The following SOCS2 variants were observed in gnomAD, a reference collection of about 807,000 sequenced individuals.
SOCS2 encodes the protein CIS-2.
In SOCS2, 10 loss-of-function variants were observed where a neutral mutation model predicts 18.6. That is an observed-to-expected ratio of 0.54 (90% CI 0.33 to 0.91). The LOEUF (loss-of-function observed/expected upper bound fraction) is 0.91, where lower values mean the gene tolerates loss of function less well. Ranked by LOEUF, SOCS2 falls within the 40% of genes least tolerant of loss-of-function variation. The pLI is 0.02. For synonymous variants in SOCS2, 104 were observed against 104.0 expected (o/e 1.00, Z 0.00); for missense variants, 231 against 247.2 (o/e 0.93, Z 0.44).
chr12:93,592,518 T>TTGG, the SOCS2 span, among the ~76,000 whole-genome samples: 2 of 152,206 alleles, frequency 1.3e-5, no homozygotes, highest in Non-Finnish European at 2.9e-5. Flanking sequence ...AAGTGGAACT[T>TTGG]TGGGGCCCAA....
chr12:93,592,499 C>T, the SOCS2 span, among the ~76,000 whole-genome samples: 3 of 152,148 alleles, frequency 2.0e-5, no homozygotes, highest in Non-Finnish European at 4.4e-5. Context: ...ATGTTGAGTA[C>T]ATTCTTAGAA....
upstream of SOCS2, chr12:93,570,421 C>G (rs1954201840): frequency 6.6e-6 from 1 of 152,316 alleles, no homozygotes; most frequent in Non-Finnish European, 1.5e-5. Flanking sequence ...GGACCGCCTC[C>G]GGTCCCCGGC....
chr12:93,624,827 C>T, the SOCS2 span, among the ~76,000 whole-genome samples: 1 of 152,184 alleles, frequency 6.6e-6, no homozygotes, highest in Non-Finnish European at 1.5e-5. Flanking sequence ...AAAGTTGTTT[C>T]TGATTTCATA....
chr12:93,614,550 T>C, the SOCS2 span, among the ~76,000 whole-genome samples: 4 of 28,152 alleles, frequency 1.4e-4, no homozygotes, highest in Admixed American at 8.4e-4. Context: ...CTTCTTTCTT[T>C]CTTTCTTTCT....
the SOCS2 span, among the ~76,000 whole-genome samples, chr12:93,615,546 C>T: frequency 6.6e-6 from 1 of 152,186 alleles, no homozygotes; most frequent in African/African-American, 2.4e-5. Flanking sequence ...GAAGTGAAAA[C>T]AGCATATAAT....
the SOCS2 span, among the ~76,000 whole-genome samples, chr12:93,616,057 GA>G: frequency 6.6e-6 from 1 of 152,216 alleles, no homozygotes; most frequent in Non-Finnish European, 1.5e-5. Context: ...GCCCTGTGGG[GA>G]ATCAGCCCTT....
At chr12:93,578,684 A>G (rs974165789), downstream of SOCS2, among the ~76,000 whole-genome samples, 188 of 112,620 alleles carry the variant, frequency 1.7e-3, no homozygotes, top group African/African-American at 5.8e-3. Context: ...GCATGCTCGC[A>G]CACACACACA....
At chr12:93,594,111 AAAAT>A in the SOCS2 span, among the ~76,000 whole-genome samples, 1 of 152,228 alleles carries the variant, frequency 6.6e-6, no homozygotes, top group Non-Finnish European at 1.5e-5. Flanking sequence ...TAGAAATTCA[AAAAT>A]AAATTGTTTT....
rs930468984 is a variant in SOCS2 at position 93,576,642 on chromosome 12, A to G, written c.*1463A>G. 2 of 152,216 alleles carry G rather than the reference A, an allele frequency of 1.3e-5. No homozygotes were observed. The highest frequency in any genetic ancestry group is 2.9e-5 in the Non-Finnish European group (2 of 68,034). 9.4% of individuals were successfully genotyped at this position (152,216 alleles called of 1,614,324 possible). ...GACATTATTTATTTTATGGCTTTAA[A>G]ATTTTCCTGCATAGCTACAATCCTG... On this transcript the variant is annotated 3_prime_UTR_variant, in exon 2 of 2. Coordinates refer to ENST00000551556, the MANE Select transcript of SOCS2 (RefSeq NM_001270471.2).
chr12:93,602,059 A>T, the SOCS2 span, among the ~76,000 whole-genome samples: 15 of 152,182 alleles, frequency 9.9e-5, no homozygotes, highest in Admixed American at 9.8e-4. Flanking sequence ...GGGCCAAGAA[A>T]AAACAAGAAA....
chr12:93,572,617 TCCCCAC>T (rs1321650840), upstream of SOCS2: 6 of 651,466 alleles, frequency 9.2e-6, no homozygotes, highest in East Asian at 1.8e-4. This position sits in a 1 kb window ranked among gnomAD's most constrained non-coding sequence, Gnocchi z 5.0. Context: ...CACGTCTATT[TCCCCAC>T]CCCCACCCCA....
chr12:93,614,385 C>CTTTCTTTA, the SOCS2 span, among the ~76,000 whole-genome samples: 2 of 137,046 alleles, frequency 1.5e-5, no homozygotes, highest in Non-Finnish European at 3.1e-5. Flanking sequence ...TTCTTTCTTT[C>CTTTCTTTA]TTTCTTTCTT....
chr12:93,587,395 T>C (rs996925499), downstream of SOCS2, among the ~76,000 whole-genome samples: 2 of 151,890 alleles, frequency 1.3e-5, no homozygotes, highest in Non-Finnish European at 2.9e-5. Flanking sequence ...AAAAAATCAG[T>C]TGGTGGCTGG....
the SOCS2 span, among the ~76,000 whole-genome samples, chr12:93,616,980 A>C: frequency 6.6e-6 from 1 of 152,212 alleles, no homozygotes; most frequent in Non-Finnish European, 1.5e-5. Flanking sequence ...AGGCATGGGA[A>C]TATACAAGGC....
the SOCS2 span, among the ~76,000 whole-genome samples, chr12:93,615,500 T>G: frequency 1.3e-5 from 2 of 152,198 alleles, no homozygotes; most frequent in African/African-American, 4.8e-5. Flanking sequence ...TCACTACAGA[T>G]CCTCATTTTA....
In SOCS2 at chr12:93,576,254, G is replaced by A. The variant is rs886123211; in HGVS notation, c.*1075G>A. On this transcript the variant is annotated 3_prime_UTR_variant, in exon 2 of 2. Transcript: ENST00000551556. ...GAACGTACACTTTCATGGTAATAGA[G>A]GATTGCCATAAAAACTTACGTCAAG... 1 of 152,622 alleles carries A rather than the reference G, an allele frequency of 6.6e-6. No homozygotes were observed. The highest frequency in any genetic ancestry group is 2.4e-5 in the African/African-American group (1 of 41,452). The allele number at this position is 152,622 out of a possible 1,614,324, so 9.5% of individuals were successfully genotyped here.
chr12:93,614,575 CT>C, the SOCS2 span, among the ~76,000 whole-genome samples: 1 of 80,104 alleles, frequency 1.2e-5, no homozygotes, highest in African/African-American at 6.4e-5. Context: ...TTCTTTCTTT[CT>C]TTCTTTCTTT....
At chr12:93,603,783 A>G in the SOCS2 span, among the ~76,000 whole-genome samples, 1 of 152,196 alleles carries the variant, frequency 6.6e-6, no homozygotes, top group South Asian at 2.1e-4. Flanking sequence ...GAAAATGGCC[A>G]ATAAAACCAT....
chr12:93,579,970 G>T (rs965150645), downstream of SOCS2, among the ~76,000 whole-genome samples: 4 of 152,202 alleles, frequency 2.6e-5, no homozygotes, highest in Non-Finnish European at 4.4e-5. Context: ...ACTTGCCCTA[G>T]ATCAGAAGTG....
Sources: allele counts gnomAD v4.1 joint callset (sites outside exome capture counted in the v4.1 genomes callset), GRCh38; gene constraint gnomAD v4.1.1; non-coding constraint Gnocchi (gnomAD v3.1); transcripts MANE v1.5; gene names NCBI Gene and HGNC (gene_info 2026-07-23, HGNC 2026-07-21).